Variants in COL12A1 observed in about 807,000 individuals in gnomAD.
COL12A1 encodes collagen type XII alpha 1 chain.
In COL12A1, 114 loss-of-function variants were observed where a neutral mutation model predicts 349.7. The observed-to-expected ratio is 0.33, with a 90% CI of 0.28 to 0.38. The LOEUF (loss-of-function observed/expected upper bound fraction) is 0.38, where lower values mean the gene tolerates loss of function less well. Ranked by LOEUF, COL12A1 falls within the 10% of genes least tolerant of loss-of-function variation. The probability of loss-of-function intolerance (pLI) is 1.00; values close to 1 mark genes in which losing one functional copy is unlikely to be tolerated. For synonymous variants in COL12A1, 1,369 were observed against 1,329.0 expected (o/e 1.03, Z -0.66); for missense variants, 3,284 against 3,756.9 (o/e 0.87, Z 3.29).
At position 75,134,448 on chromosome 6, in the gene COL12A1, G is replaced by C. The variant is rs190743509; in HGVS notation, c.5524+278C>G. Among the ~76,000 whole-genome samples, 10 of 152,134 alleles carry C rather than the reference G, an allele frequency of 6.6e-5. No homozygotes were observed. In the East Asian group the frequency reaches 1.9e-3, roughly 29 times the overall value. On this transcript the variant is annotated intron_variant, in intron 32 of 65. Coordinates refer to ENST00000322507, the MANE Select transcript of COL12A1 (RefSeq NM_004370.6). ...TAGCCGGGTGTGGTGGTGTGCACCT[G>C]TAATCCCAGCTATTCGGGAGCCTGA... is the stretch of plus-strand genomic sequence containing the variant.
At chr6:75,171,640 C>T (rs370967950) in intron 13 of COL12A1, among the ~76,000 whole-genome samples, 174 of 152,300 alleles carry the variant, frequency 1.1e-3, no homozygotes, top group African/African-American at 3.9e-3. Flanking sequence ...ACCTCCTCTC[C>T]CAAGAGAAAA....
At position 75,173,381 on chromosome 6, in the gene COL12A1, A is replaced by AT. The variant is rs947182695; in HGVS notation, c.2710+1656dup. On this transcript the variant is annotated intron_variant, in intron 13 of 65. Transcript: ENST00000322507. ...TTAACTCTTGATCACTATTATTATT[A>AT]TTTTTTTTTTTTGAGATGGAGTTTC... 9.6e-3 allele frequency among the ~76,000 whole-genome samples: 1,404 copies of AT among 146,242 alleles called. 10 individuals carry two copies. Among genetic ancestry groups the AT allele is most frequent in the African/African-American group, 0.015 (606 of 40,148 alleles).
rs974678648 is a variant in COL12A1, at chr6:75,126,539, A to C, written c.6341-69T>G. ...CACAGGGAGAGCACAAAACTTTAAA[A>C]GTATCGGTAGGAAAGCCCAATGGGA... On this transcript the variant is annotated intron_variant, in intron 38 of 65. Transcript: ENST00000322507. 1.5e-5 allele frequency: 22 copies of C among 1,512,778 alleles called. No homozygotes were observed. The African/African-American group carries it at 2.6e-4, about 18-fold the overall frequency. 93.7% of individuals were successfully genotyped at this position (1,512,778 alleles called of 1,614,324 possible).
At chr6:75,110,527 G>T (rs139088343) in intron 51 of COL12A1, among the ~76,000 whole-genome samples, 166 of 152,044 alleles carry the variant, frequency 1.1e-3, no homozygotes, top group African/African-American at 4.0e-3. Flanking sequence ...ATGATGTGTT[G>T]TTGGTCCCAG....
intron 12 of COL12A1, among the ~76,000 whole-genome samples, chr6:75,175,798 G>A (rs1426434811): frequency 6.6e-6 from 1 of 151,618 alleles, no homozygotes; most frequent in East Asian, 1.9e-4. Flanking sequence ...CTTTCCCTAG[G>A]GGGAAAAAAA....
chr6:75,180,884 G>C, intron 11 of COL12A1, 55 bp downstream of exon 11: 1 of 1,563,996 alleles, frequency 6.4e-7, no homozygotes, highest in Non-Finnish European at 8.7e-7. Flanking sequence ...CTGTAACTTT[G>C]TAGTGCAATA....
rs377413592 is a variant in COL12A1 at position 75,121,380 on chromosome 6, G to A, written c.7008C>T (p.Asp2336=). ...FLTDASWSIG[D]DNFNKVVKFI... ...ATTTTACAACTTTGTTAAAATTATC[G>A]TCCCCAATGCTCCAGGAGGCATCAG... The change falls in exon 44 of 66, where the codon GAC becomes GAT. Residue 2336 remains aspartate (D), a synonymous_variant. Transcript: ENST00000322507. 2.4e-4 allele frequency: 380 copies of A among 1,611,526 alleles called. 1 individual carries two copies. Among genetic ancestry groups the A allele is most frequent in the Non-Finnish European group, 2.8e-4 (329 of 1,178,434 alleles).
chr6:75,092,866 A>G (rs556243058), intron 60 of COL12A1, among the ~76,000 whole-genome samples: 3 of 152,064 alleles, frequency 2.0e-5, no homozygotes, highest in African/African-American at 7.2e-5. Flanking sequence ...TAGCTATCTG[A>G]CCTCATATTT....
At chr6:75,108,885 T>A in intron 52 of COL12A1, 133 bp downstream of exon 52, 1 of 917,664 alleles carries the variant, frequency 1.1e-6, no homozygotes, top group East Asian at 2.5e-5. Flanking sequence ...AATGTTTTGA[T>A]CTGACCAAGA....
Position 75,090,082 on chromosome 6 carries a change from T to C in COL12A1, c.8941+28A>G, listed in dbSNP as rs753828650. 12 of 1,610,850 alleles carry C rather than the reference T, an allele frequency of 7.4e-6. No homozygotes were observed. In the African/African-American group the frequency reaches 1.5e-4, roughly 20 times the overall value. On this transcript the variant is annotated intron_variant, in intron 63 of 65. Coordinates refer to ENST00000322507, the MANE Select transcript of COL12A1 (RefSeq NM_004370.6). The surrounding 1 kb of genome is among the most constrained non-coding windows in gnomAD (Gnocchi z 4.1). The stretch of plus-strand genomic sequence containing the variant: ...CTACATTTGCAAATTCCTTCCTTTA[T>C]CCCAATACAGAAGCCAGAAATGCCT...
intron 26 of COL12A1, among the ~76,000 whole-genome samples, chr6:75,142,721 G>T (rs892931894): frequency 4.6e-5 from 7 of 152,102 alleles, no homozygotes; most frequent in Admixed American, 4.6e-4. Context: ...AAGTTTTGCT[G>T]GTTCATGAAG....
At chr6:75,166,965 T>C (rs1768343162) in intron 13 of COL12A1, among the ~76,000 whole-genome samples, 1 of 152,120 alleles carries the variant, frequency 6.6e-6, no homozygotes, top group Non-Finnish European at 1.5e-5. Context: ...TGGAAAATTC[T>C]AACTCCATTA....
rs778577641 is a variant in COL12A1 at position 75,151,304 on chromosome 6, A to G, written c.4001-17T>C. The G allele has an allele frequency of 6.2e-7, 1 of 1,604,250 alleles. No individual in the cohort carries two copies. Among genetic ancestry groups the G allele is most frequent in the East Asian group, 2.2e-5 (1 of 44,710 alleles). On this transcript the variant is annotated splice_polypyrimidine_tract_variant and intron_variant, in intron 20 of 65. Coordinates refer to ENST00000322507, the MANE Select transcript of COL12A1 (RefSeq NM_004370.6). ...TTTTAATACCTTCAAAAACGGATAT[A>G]TACAAATTAAAAGCACTTCTCAGAA...
chr6:75,139,104 A>C (rs940961065), intron 27 of COL12A1, 143 bp from the exon 28 acceptor site: 3 of 853,132 alleles, frequency 3.5e-6, no homozygotes, highest in Non-Finnish European at 3.6e-6. Flanking sequence ...TATTTCACCA[A>C]TTCCTAGAGC....
intron 40 of COL12A1, among the ~76,000 whole-genome samples, chr6:75,124,746 A>G (rs1265966144): frequency 6.6e-6 from 1 of 152,194 alleles, no homozygotes; most frequent in African/African-American, 2.4e-5. Context: ...TCATGATTCA[A>G]TAATTAAGTC....
At chr6:75,140,655 C>CAAAAAAAAAAAAAAAAAAAAAAAAAAAAA (rs1236499281) in intron 27 of COL12A1, among the ~76,000 whole-genome samples, 2 of 46,134 alleles carry the variant, frequency 4.3e-5, no homozygotes, top group Middle Eastern at 0.011. Flanking sequence ...GACTCTGTCT[C>CAAAAAAAAAAAAAAAAAAAAAAAAAAAAA]AAAAAAAAAA....
At position 75,119,438 on chromosome 6, in the gene COL12A1, A is replaced by G; in HGVS notation, c.7122T>C (p.Ser2374=). 1 of 1,613,774 alleles carries G rather than the reference A, an allele frequency of 6.2e-7. No individual in the cohort carries two copies. Among genetic ancestry groups the G allele is most frequent in the Non-Finnish European group, 8.5e-7 (1 of 1,179,818 alleles). ...CATTGTACGTGTTCAGCTTGAACTC[A>G]GACTTGACCTCATCGCTGTATTGCA... is the stretch of plus-strand genomic sequence containing the variant. The part of the protein sequence containing the change: ...SFVQYSDEVK[S]EFKLNTYNDK... Residue 2374 remains serine, a synonymous_variant, in exon 45 of 66, where the codon TCT becomes TCC. Transcript: ENST00000322507.
intron 25 of COL12A1, among the ~76,000 whole-genome samples, chr6:75,144,501 C>A (rs1226521689): frequency 1.3e-5 from 2 of 152,090 alleles, no homozygotes; most frequent in African/African-American, 2.4e-5. Context: ...GAAGTGTGGG[C>A]CAAGACTCAT....
At position 75,140,655 on chromosome 6, in the gene COL12A1, C is replaced by CAAAAAAAAAAAAA. The variant is rs1236499281; in HGVS notation, c.4957+1364_4957+1376dup. On this transcript the variant is annotated intron_variant, in intron 27 of 65. Transcript: ENST00000322507. ...TGGGTGACAGAGCGAGACTCTGTCT[C>CAAAAAAAAAAAAA]AAAAAAAAAAAAAAAAAAAAAAAGC... 1.6e-3 allele frequency among the ~76,000 whole-genome samples: 73 copies of CAAAAAAAAAAAAA among 46,132 alleles called. 9 individuals carry two copies. The highest frequency in any genetic ancestry group is 6.1e-3 in the African/African-American group (68 of 11,148). 30.3% of individuals were successfully genotyped at this position (46,132 alleles called of 152,430 possible).
Sources: gnomAD v4.1 joint callset for allele counts (sites outside exome capture counted in the v4.1 genomes callset) on GRCh38, gnomAD v4.1.1 for gene constraint, Gnocchi (gnomAD v3.1) non-coding constraint, MANE v1.5 for transcripts, NCBI Gene and HGNC (gene_info 2026-07-23, HGNC 2026-07-21) for gene names.